ANK1: variants seen among roughly 807,000 people sequenced by gnomAD.
ANK1 encodes ankyrin-1.
In ANK1, 51 loss-of-function variants were observed where a neutral mutation model predicts 210.4. The ratio of observed to expected loss-of-function variants is 0.24; its 90% CI spans 0.19 to 0.31. ANK1 has a LOEUF of 0.31. Ranked by LOEUF, ANK1 falls within the 10% of genes least tolerant of loss-of-function variation. The pLI is 1.00. For missense variants in ANK1, 2,051 were observed against 2,504.4 expected, an observed-to-expected ratio of 0.82 and a Z score of 3.86; for synonymous variants, 967 against 1,025.9, an observed-to-expected ratio of 0.94 and a Z score of 1.10.
At position 41,701,568 on chromosome 8, in the gene ANK1, C is replaced by A; in HGVS notation, c.2443G>T (p.Asp815Tyr). 6.2e-7 allele frequency: 1 copy of A among 1,614,148 alleles called. No individual in the cohort carries two copies. The highest frequency in any genetic ancestry group is 8.5e-7 in the Non-Finnish European group (1 of 1,180,012). The part of the protein sequence containing the change: ...SFPETVDEIL[D>Y]VSEDEGEELI... Reference sequence around the variant, plus strand: ...ACGTTACCTTCATCTTCCGAGACATCCAGGATCTCATCAACTGTCTCAGGG... The same window carrying A: ...ACGTTACCTTCATCTTCCGAGACATACAGGATCTCATCAACTGTCTCAGGG... Residue 815 changes from aspartate (D) to tyrosine (Y), a missense_variant, in exon 22 of 43, where the codon GAT (aspartate) becomes TAT (tyrosine). Asp to Tyr is a radical substitution (Grantham distance 160). Transcript: ENST00000289734.
chr8:41,704,294 TCCCAGAGCAGCTC>T lies in ANK1; in HGVS notation c.2196+67_2196+79del. On this transcript the variant is annotated intron_variant, in intron 19 of 42. Transcript: ENST00000289734. The surrounding 1 kb of genome is among the most constrained non-coding windows in gnomAD (Gnocchi z 4.1). ...GGGTCCATGGTCAAAACCCTAGTGC[TCCCAGAGCAGCTC>T]TGGCTTTACCCTGATGTGGCATGGA... 1 of 1,463,872 alleles carries T rather than the reference TCCCAGAGCAGCTC, an allele frequency of 6.8e-7. No individual in the cohort carries two copies. Among genetic ancestry groups the T allele is most frequent in the East Asian group, 2.3e-5 (1 of 44,126 alleles). The allele number at this position is 1,463,872 out of a possible 1,614,324, so 90.7% of individuals were successfully genotyped here.
intron 2 of ANK1, among the ~76,000 whole-genome samples, chr8:41,757,611 CG>C (rs1239245686): frequency 6.6e-6 from 1 of 152,230 alleles, no homozygotes; most frequent in African/African-American, 2.4e-5. Flanking sequence ...CTAACACAAG[CG>C]GGGCCTCGTT....
At chr8:41,708,696 G>C in intron 17 of ANK1, 82 bp downstream of exon 17, 2 of 1,495,290 alleles carry the variant, frequency 1.3e-6, no homozygotes, top group Non-Finnish European at 9.2e-7. Context: ...CTCAGAACCT[G>C]GGCACACATA....
chr8:41,788,066 G>A (rs1846794728), intron 1 of ANK1, among the ~76,000 whole-genome samples: 1 of 152,156 alleles, frequency 6.6e-6, no homozygotes, highest in Admixed American at 6.5e-5. Flanking sequence ...GTTGACACCA[G>A]GCAGTGAGAC....
chr8:41,829,501 C>G (rs975205851), intron 1 of ANK1: 3 of 152,362 alleles, frequency 2.0e-5, no homozygotes, highest in African/African-American at 7.2e-5. Flanking sequence ...CAACTGACCC[C>G]AGCGTGCAGT....
intron 2 of ANK1, among the ~76,000 whole-genome samples, chr8:41,751,131 A>G (rs1055769952): frequency 5.3e-5 from 8 of 152,156 alleles, no homozygotes; most frequent in Non-Finnish European, 8.8e-5. Context: ...TTCATCCCAG[A>G]AAGTATTTTT....
intron 1 of ANK1, among the ~76,000 whole-genome samples, chr8:41,780,062 T>C (rs895365627): frequency 2.4e-4 from 37 of 152,270 alleles, no homozygotes; most frequent in African/African-American, 8.2e-4. Flanking sequence ...TATTTTGCAT[T>C]TGCCAAGTGC....
chr8:41,831,835 C>G (rs894753180), intron 1 of ANK1, among the ~76,000 whole-genome samples: 1 of 152,174 alleles, frequency 6.6e-6, no homozygotes, highest in Non-Finnish European at 1.5e-5. Context: ...CGCAGCACCT[C>G]GTACAGTGGA....
chr8:41,677,594 GT>G (rs56330906), intron 37 of ANK1, among the ~76,000 whole-genome samples: 34 of 144,336 alleles, frequency 2.4e-4, no homozygotes, highest in South Asian at 6.6e-4. Flanking sequence ...CTTTTTCTTT[GT>G]TTTTTTTTTT....
Position 41,725,837 on chromosome 8 carries a change from A to C in ANK1, c.536T>G (p.Ile179Ser). Residue 179 changes from isoleucine (I) to serine (S), a missense_variant, in exon 6 of 43, where the codon ATC becomes AGC. Around this residue, in one of 6 missense-constraint regions of ANK1, gnomAD observed 1,413 missense variants for 1,707.4 expected, o/e 0.83. Transcript: ENST00000289734. The part of the protein sequence containing the change: ...KGKVRLPALH[I>S]AARNDDTRTA... ...GCGCGTGTCGTCGTTGCGGGCCGCG[A>C]TGTGCAGGGCCGGGAGGCGCACCTT... The C allele has an allele frequency of 6.2e-7, 1 of 1,612,084 alleles. No homozygotes were observed.
chr8:41,671,307 G>A (rs941019829), intron 38 of ANK1, among the ~76,000 whole-genome samples: 13 of 152,148 alleles, frequency 8.5e-5, no homozygotes, highest in African/African-American at 2.9e-4. Flanking sequence ...TATCAGCTCC[G>A]TCACATGCAG....
chr8:41,697,236 G>A lies in ANK1; in HGVS notation c.2638-463C>T, dbSNP rs72638989. 4.2e-3 allele frequency among the ~76,000 whole-genome samples: 635 copies of A among 152,302 alleles called. 2 individuals carry two copies. The highest frequency in any genetic ancestry group is 0.01 in the Middle Eastern group (3 of 294). Reference sequence around the variant, plus strand: ...TGTGGACATTTGGAGCCCATGAGGTGAACACAACAGACTCCTGCCCTTGTG... The same window carrying A: ...TGTGGACATTTGGAGCCCATGAGGTAAACACAACAGACTCCTGCCCTTGTG... On this transcript the variant is annotated intron_variant, in intron 24 of 42. Coordinates refer to ENST00000289734, the MANE Select transcript of ANK1 (RefSeq NM_000037.4).
At chr8:41,690,437 A>G (rs375207913) in intron 32 of ANK1, 37 bp downstream of exon 32, 26 of 1,614,058 alleles carry the variant, frequency 1.6e-5, no homozygotes, top group Non-Finnish European at 2.1e-5. Flanking sequence ...CCAACTTTCT[A>G]GACCCAGAGG....
At chr8:41,770,869 C>T (rs1455600873) in intron 1 of ANK1, among the ~76,000 whole-genome samples, 1 of 152,238 alleles carries the variant, frequency 6.6e-6, no homozygotes, top group Non-Finnish European at 1.5e-5. Context: ...TGGAATGCCA[C>T]ATTGGAGCTA....
chr8:41,797,578 G>T lies in ANK1; in HGVS notation c.-40C>A. The stretch of plus-strand genomic sequence containing the variant: ...AGGGGCCCGCCGAAGGGCCTTGGGG[G>T]CTTGAGGAGGAGCAGCTGGGGCTGG... On this transcript the variant is annotated 5_prime_UTR_variant, in exon 1 of 43. Transcript: ENST00000289734. This position sits in a 1 kb window ranked among gnomAD's most constrained non-coding sequence, Gnocchi z 4.0. The T allele has an allele frequency of 6.2e-7, 1 of 1,611,826 alleles. No individual in the cohort carries two copies.
At chr8:41,869,128 A>G (rs1269938232) in intron 1 of ANK1, among the ~76,000 whole-genome samples, 2 of 152,192 alleles carry the variant, frequency 1.3e-5, no homozygotes, top group African/African-American at 4.8e-5. Flanking sequence ...GGAGGAAAAG[A>G]TCAAAATCCA....
intron 42 of ANK1, 51 bp from the exon 43 acceptor site, chr8:41,655,804 T>C (rs1161700353): frequency 6.3e-7 from 1 of 1,592,062 alleles, no homozygotes; most frequent in Admixed American, 1.7e-5. Context: ...AAGTGCAACG[T>C]CCAGCAAAAA....
intron 1 of ANK1, among the ~76,000 whole-genome samples, chr8:41,892,614 A>G (rs752198296): frequency 3.4e-4 from 52 of 152,214 alleles, no homozygotes; most frequent in South Asian, 1.2e-3. Flanking sequence ...AAAAGATTAG[A>G]TGGTTCCACT....
intron 1 of ANK1, among the ~76,000 whole-genome samples, chr8:41,786,400 T>A (rs1846409320): frequency 6.6e-6 from 1 of 152,094 alleles, no homozygotes; most frequent in Non-Finnish European, 1.5e-5. Context: ...TCTTTATTGG[T>A]AAAGAAATAA....
Sources: allele counts gnomAD v4.1 joint callset (sites outside exome capture counted in the v4.1 genomes callset), GRCh38; gene constraint gnomAD v4.1.1; regional missense constraint gnomAD v4.1.1; non-coding constraint Gnocchi (gnomAD v3.1); transcripts MANE v1.5; gene names NCBI Gene and HGNC (gene_info 2026-07-23, HGNC 2026-07-21).